GFRA2: variants seen among roughly 807,000 people sequenced by gnomAD.
GFRA2 encodes the protein GDNF family receptor alpha 2.
GFRA2 carries 17 observed loss-of-function variants against 48.3 expected under a neutral mutation model. That is an observed-to-expected ratio of 0.35 (90% CI 0.24 to 0.53). The LOEUF (loss-of-function observed/expected upper bound fraction) is 0.53. GFRA2 is among the 20% of genes least tolerant of loss of function. The pLI is 0.93. For synonymous variants in GFRA2, 305 were observed against 257.2 expected (o/e 1.19, Z -1.78); for missense variants, 660 against 637.3 (o/e 1.04, Z -0.38).
At chr8:21,698,148 C>T (rs937908023) in intron 7 of GFRA2, among the ~76,000 whole-genome samples, 1 of 152,156 alleles carries the variant, frequency 6.6e-6, no homozygotes, top group African/African-American at 2.4e-5. Context: ...GGCTCCAGTC[C>T]AAAAGCACAC....
chr8:21,732,100 G>C (rs1804226550), intron 4 of GFRA2, among the ~76,000 whole-genome samples: 1 of 152,248 alleles, frequency 6.6e-6, no homozygotes, highest in Non-Finnish European at 1.5e-5. Flanking sequence ...AGCGGGCCAA[G>C]AGCTCCTGGC....
In GFRA2 at chr8:21,788,862, T is replaced by C; in HGVS notation, c.-703A>G. ...TCCCTCGCTCGCTCTTTGCTCTCGC[T>C]CTCTCCAGCTCTCCCTCGCTCTCCT... On this transcript the variant is annotated 5_prime_UTR_variant, in exon 1 of 9. Coordinates refer to ENST00000524240, the MANE Select transcript of GFRA2 (RefSeq NM_001495.5). 1.1e-6 allele frequency: 1 copy of C among 892,136 alleles called. No individual in the cohort carries two copies. Among genetic ancestry groups the C allele is most frequent in the Non-Finnish European group, 1.3e-6 (1 of 745,144 alleles). The allele number at this position is 892,136 out of a possible 1,614,324, so 55.3% of individuals were successfully genotyped here.
intron 7 of GFRA2, among the ~76,000 whole-genome samples, chr8:21,701,397 A>C (rs1802470413): frequency 1.3e-5 from 2 of 152,328 alleles, no homozygotes; most frequent in African/African-American, 4.8e-5. Context: ...CCGTCTCAAA[A>C]AATAAAAAAT....
chr8:21,781,021 G>A (rs1464247559), intron 2 of GFRA2: 1 of 152,158 alleles, frequency 6.6e-6, no homozygotes, highest in South Asian at 2.1e-4. Context: ...AACACTTAGG[G>A]AGGCCGAGGC....
At chr8:21,772,971 C>T (rs1806510036) in intron 3 of GFRA2, among the ~76,000 whole-genome samples, 2 of 152,220 alleles carry the variant, frequency 1.3e-5, no homozygotes, top group Non-Finnish European at 2.9e-5. Context: ...CTGCCGGTAC[C>T]TGAGCTTCAC....
intron 2 of GFRA2, among the ~76,000 whole-genome samples, chr8:21,796,677 C>T (rs2117108104): frequency 6.6e-6 from 1 of 152,328 alleles, no homozygotes; most frequent in African/African-American, 2.4e-5. Context: ...CTTCTTTTCC[C>T]ATCATCTAGA....
intron 4 of GFRA2, chr8:21,706,253 C>G (rs1802739604): frequency 1.5e-6 from 1 of 652,472 alleles, no homozygotes; most frequent in Non-Finnish European, 2.8e-6. Flanking sequence ...GAGAGACAGG[C>G]ACATAGTGCG....
At chr8:21,730,895 T>C (rs1367937469) in intron 4 of GFRA2, among the ~76,000 whole-genome samples, 1 of 152,148 alleles carries the variant, frequency 6.6e-6, no homozygotes, top group Non-Finnish European at 1.5e-5. Flanking sequence ...AAGTATTAAT[T>C]ATCAAGATAA....
intron 2 of GFRA2, among the ~76,000 whole-genome samples, chr8:21,794,468 CT>C (rs1807633783): frequency 6.6e-6 from 1 of 152,032 alleles, no homozygotes; most frequent in East Asian, 1.9e-4. Context: ...CCAGGCTGGT[CT>C]CGAACTCTTG....
Position 21,798,561 on chromosome 8 carries a change from G to T in GFRA2, c.-36+6456C>A, listed in dbSNP as rs911216293. Among the ~76,000 whole-genome samples the T allele has an allele frequency of 3.3e-3, 495 of 152,264 alleles. 4 individuals are homozygous for T. The highest frequency in any genetic ancestry group is 0.011 in the African/African-American group (477 of 41,550). Reference sequence around the variant, plus strand: ...GACCATGTGACTTTAGTTCCTCTAGGATAACAGTCCTCTACCCTGCCCTTG... The same window carrying T: ...GACCATGTGACTTTAGTTCCTCTAGTATAACAGTCCTCTACCCTGCCCTTG... On this transcript the variant is annotated intron_variant, in intron 2 of 10. Coordinates refer to the GFRA2 transcript ENST00000517328.
Position 21,807,700 on chromosome 8 carries a change from T to C in GFRA2, c.-147-2572A>G, listed in dbSNP as rs180730890. ...TCCTCATGTGTCCAAATTCCTCTTC[T>C]TATAAGAACTCCAGAGAAAACATAG... On this transcript the variant is annotated intron_variant, in intron 1 of 10. Transcript: ENST00000517328. Among the ~76,000 whole-genome samples, 101 of 152,206 alleles carry C rather than the reference T, an allele frequency of 6.6e-4. 1 individual carries two copies. Among genetic ancestry groups the C allele is most frequent in the African/African-American group, 2.3e-3 (94 of 41,542 alleles).
chr8:21,723,251 A>C (rs935337469), intron 4 of GFRA2, among the ~76,000 whole-genome samples: 9 of 152,210 alleles, frequency 5.9e-5, no homozygotes, highest in Non-Finnish European at 1.2e-4. Context: ...GAATGCATTT[A>C]TCTTAGAACA....
chr8:21,722,595 C>T (rs781088080), intron 4 of GFRA2, among the ~76,000 whole-genome samples: 10 of 152,118 alleles, frequency 6.6e-5, no homozygotes, highest in South Asian at 4.2e-4. Flanking sequence ...TGGTCTCGCC[C>T]GCATGCAGTG....
chr8:21,693,242 T>A lies in GFRA2; in HGVS notation c.*36A>T. 6.3e-7 allele frequency: 1 copy of A among 1,591,668 alleles called. No homozygotes were observed. Reference sequence around the variant, plus strand: ...CGTCAGGCGGCTGTTCTTGTCTGCGTAGCTTTCAAAAATATTCTGACTCGG... The same window carrying A: ...CGTCAGGCGGCTGTTCTTGTCTGCGAAGCTTTCAAAAATATTCTGACTCGG... On this transcript the variant is annotated 3_prime_UTR_variant, in exon 9 of 9. Transcript: ENST00000524240.
At chr8:21,727,871 G>C (rs754249401) in intron 4 of GFRA2, among the ~76,000 whole-genome samples, 3 of 152,048 alleles carry the variant, frequency 2.0e-5, no homozygotes, top group Non-Finnish European at 4.4e-5. Flanking sequence ...GGTTATTTTC[G>C]TAGTAAAAAT....
At chr8:21,742,611 G>A (rs1007371115) in intron 4 of GFRA2, among the ~76,000 whole-genome samples, 1 of 152,258 alleles carries the variant, frequency 6.6e-6, no homozygotes, top group East Asian at 1.9e-4. Context: ...CAGGGAGCCA[G>A]TGTGAACAAT....
At chr8:21,701,120 C>A (rs1462446320) in intron 7 of GFRA2, among the ~76,000 whole-genome samples, 6 of 152,214 alleles carry the variant, frequency 3.9e-5, no homozygotes, top group Admixed American at 1.3e-4. Flanking sequence ...TTGTGCCGGG[C>A]GCGGGGGCTC....
At chr8:21,758,375 C>T (rs984302945) in intron 3 of GFRA2, among the ~76,000 whole-genome samples, 3 of 152,128 alleles carry the variant, frequency 2.0e-5, no homozygotes. Context: ...TTTCCAATCG[C>T]AAATGTGCCT....
chr8:21,750,963 C>A lies in GFRA2; in HGVS notation c.440-21G>T. On this transcript the variant is annotated intron_variant, in intron 3 of 8. Coordinates refer to ENST00000524240, the MANE Select transcript of GFRA2 (RefSeq NM_001495.5). This position sits in a 1 kb window ranked among gnomAD's most constrained non-coding sequence, Gnocchi z 5.7. Reference sequence around the variant, plus strand: ...TGTCCCTGGAGGAGGAACAAGAGAGCAGGTCAGAGGCCACACAAGCATGAG... The same window carrying A: ...TGTCCCTGGAGGAGGAACAAGAGAGAAGGTCAGAGGCCACACAAGCATGAG... The A allele has an allele frequency of 6.5e-7, 1 of 1,542,128 alleles. No individual in the cohort carries two copies. The highest frequency in any genetic ancestry group is 1.1e-5 in the South Asian group (1 of 87,090).
Sources: gnomAD v4.1 joint callset for allele counts (sites outside exome capture counted in the v4.1 genomes callset) on GRCh38, gnomAD v4.1.1 for gene constraint, Gnocchi (gnomAD v3.1) non-coding constraint, MANE v1.5 for transcripts, NCBI Gene and HGNC (gene_info 2026-07-23, HGNC 2026-07-21) for gene names.